SLC39A8: variants seen among roughly 807,000 people sequenced by gnomAD.
SLC39A8 encodes the protein metal cation symporter ZIP8.
SLC39A8 carries 15 observed loss-of-function variants against 40.4 expected under a neutral mutation model. The ratio of observed to expected loss-of-function variants is 0.37; its 90% CI spans 0.25 to 0.57. The LOEUF is 0.57. SLC39A8 is among the 20% of genes least tolerant of loss of function. The pLI is 0.75. For synonymous variants in SLC39A8, 223 were observed against 221.6 expected, an observed-to-expected ratio of 1.01 and a Z score of -0.06; for missense variants, 472 against 558.8, an observed-to-expected ratio of 0.84 and a Z score of 1.57.
chr4:102,330,540 A>G (rs749419704), intron 2 of SLC39A8, among the ~76,000 whole-genome samples: 6 of 152,190 alleles, frequency 3.9e-5, no homozygotes, highest in Non-Finnish European at 8.8e-5. Flanking sequence ...ATAGCCTACC[A>G]ATCAAAAAAA....
intron 8 of SLC39A8, among the ~76,000 whole-genome samples, chr4:102,266,949 CAA>C (rs1732130855): frequency 1.3e-5 from 2 of 152,164 alleles, no homozygotes; most frequent in African/African-American, 4.8e-5. Flanking sequence ...CACACAGATA[CAA>C]AGACACAGAC....
At chr4:102,291,909 C>T (rs760770223) in intron 6 of SLC39A8, among the ~76,000 whole-genome samples, 2 of 151,762 alleles carry the variant, frequency 1.3e-5, no homozygotes, top group African/African-American at 2.4e-5. Context: ...TTTTTAAAGG[C>T]TGCATATTTT....
chr4:102,327,685 T>A (rs1735279728), intron 2 of SLC39A8, among the ~76,000 whole-genome samples: 1 of 152,240 alleles, frequency 6.6e-6, no homozygotes, highest in Admixed American at 6.5e-5. Flanking sequence ...GACTTCTTCC[T>A]TTTTATATCT....
At chr4:102,315,856 A>T in intron 2 of SLC39A8, 26 bp from the exon 3 acceptor site, 5 of 1,581,026 alleles carry the variant, frequency 3.2e-6, no homozygotes, top group Non-Finnish European at 4.3e-6. Flanking sequence ...CAAAAAAAAA[A>T]TGTGATAATA....
At chr4:102,297,953 C>T (rs957669854) in intron 6 of SLC39A8, among the ~76,000 whole-genome samples, 2 of 151,640 alleles carry the variant, frequency 1.3e-5, no homozygotes, top group Middle Eastern at 3.2e-3. Context: ...GAAGAGGCCA[C>T]AGGAAAGATG....
At chr4:102,276,835 T>C (rs891846993) in intron 6 of SLC39A8, among the ~76,000 whole-genome samples, 27 of 152,148 alleles carry the variant, frequency 1.8e-4, no homozygotes, top group African/African-American at 6.3e-4. Context: ...TGGTTCAACA[T>C]ATGCAAACCA....
intron 6 of SLC39A8, among the ~76,000 whole-genome samples, chr4:102,272,858 C>T (rs1732434166): frequency 6.6e-6 from 1 of 152,056 alleles, no homozygotes. Flanking sequence ...GACCTCCCTC[C>T]TGGAGCCAAA....
intron 6 of SLC39A8, among the ~76,000 whole-genome samples, chr4:102,282,919 G>C (rs998333372): frequency 6.6e-6 from 1 of 152,084 alleles, no homozygotes; most frequent in African/African-American, 2.4e-5. Flanking sequence ...GTAGAGACAG[G>C]GTTTCACCGT....
chr4:102,258,275 G>A (rs1731759663), downstream of SLC39A8, among the ~76,000 whole-genome samples: 1 of 151,816 alleles, frequency 6.6e-6, no homozygotes, highest in South Asian at 2.1e-4. Flanking sequence ...TTTTTAAAGG[G>A]CAGATATAAT....
intron 2 of SLC39A8, among the ~76,000 whole-genome samples, chr4:102,342,524 G>A (rs1313570651): frequency 1.3e-5 from 2 of 152,110 alleles, no homozygotes; most frequent in African/African-American, 4.8e-5. Context: ...ACATCAAAGA[G>A]ATGTTTGTTA....
At chr4:102,331,435 A>G (rs1735459453) in intron 2 of SLC39A8, among the ~76,000 whole-genome samples, 1 of 152,174 alleles carries the variant, frequency 6.6e-6, no homozygotes, top group African/African-American at 2.4e-5. Flanking sequence ...AAGAGAATAA[A>G]ATACCTAGGA....
intron 6 of SLC39A8, among the ~76,000 whole-genome samples, chr4:102,301,852 T>G (rs1297831840): frequency 6.6e-6 from 1 of 151,984 alleles, no homozygotes; most frequent in Non-Finnish European, 1.5e-5. Flanking sequence ...AAAAAATAAT[T>G]TAGCCTCTCA....
At chr4:102,337,381 T>A (rs956424655) in intron 2 of SLC39A8, among the ~76,000 whole-genome samples, 6 of 151,768 alleles carry the variant, frequency 4.0e-5, no homozygotes, top group Admixed American at 6.6e-5. Context: ...TAAGAATAAA[T>A]CATGGAAAGC....
chr4:102,339,109 C>T (rs1463603382), intron 2 of SLC39A8, among the ~76,000 whole-genome samples: 7 of 152,044 alleles, frequency 4.6e-5, no homozygotes, highest in Non-Finnish European at 7.4e-5. Context: ...CCTCATTTTC[C>T]CAAAGCCTTG....
intron 6 of SLC39A8, among the ~76,000 whole-genome samples, chr4:102,271,842 T>C (rs1732377604): frequency 6.6e-6 from 1 of 152,162 alleles, no homozygotes; most frequent in Non-Finnish European, 1.5e-5. Flanking sequence ...ATACATATAA[T>C]TCATGGATCA....
At chr4:102,258,659 G>A (rs76296398), downstream of SLC39A8, among the ~76,000 whole-genome samples, 1,322 of 152,260 alleles carry the variant, frequency 8.7e-3, 24 homozygotes, top group African/African-American at 0.03. Flanking sequence ...GGAAAGAAAA[G>A]GGGATAAAAA....
intron 6 of SLC39A8, among the ~76,000 whole-genome samples, chr4:102,270,114 GT>G (rs1374885092): frequency 1.3e-5 from 2 of 152,120 alleles, no homozygotes; most frequent in African/African-American, 4.8e-5. Context: ...TAAAGCAGTT[GT>G]TTTCATCTTC....
Position 102,344,452 on chromosome 4 carries a change from A to G in SLC39A8, c.211T>C (p.Phe71Leu). ...GGACCTGGCGGCCTTACCTGGTTGAAGTGCAGCTGGCCAGGCTCCGGGACG... is the reference window on the plus strand; with the variant it reads ...GGACCTGGCGGCCTTACCTGGTTGAGGTGCAGCTGGCCAGGCTCCGGGACG... Reference protein sequence around the residue: ...VGVPEPGQLHFNQCLTAEEIF... With the variant: ...VGVPEPGQLHLNQCLTAEEIF... The change falls in exon 2 of 9, where the codon TTC becomes CTC. Residue 71 changes from phenylalanine (F) to leucine (L), a missense_variant. Coordinates refer to ENST00000356736, the MANE Select transcript of SLC39A8 (RefSeq NM_001135146.2). 1.3e-6 allele frequency: 2 copies of G among 1,537,082 alleles called. No individual in the cohort carries two copies. The highest frequency in any genetic ancestry group is 8.8e-7 in the Non-Finnish European group (1 of 1,140,758).
chr4:102,341,948 C>A (rs1054180936), intron 2 of SLC39A8, among the ~76,000 whole-genome samples: 2 of 152,142 alleles, frequency 1.3e-5, no homozygotes, highest in Non-Finnish European at 2.9e-5. Flanking sequence ...TAGCCTTTTT[C>A]AAAGCCAAAA....
Sources: allele counts gnomAD v4.1 joint callset (sites outside exome capture counted in the v4.1 genomes callset), GRCh38; gene constraint gnomAD v4.1.1; transcripts MANE v1.5; gene names NCBI Gene and HGNC (gene_info 2026-07-23, HGNC 2026-07-21).